The following PSAP variants were observed in gnomAD, a reference collection of about 807,000 sequenced individuals.
The protein encoded by PSAP is prosaposin, also known as precursor of saposins.
PSAP carries 25 observed loss-of-function variants against 66.0 expected under a neutral mutation model. That is an observed-to-expected ratio of 0.38 (90% CI 0.28 to 0.53). The LOEUF (loss-of-function observed/expected upper bound fraction) is 0.53. Among genes scored for constraint, PSAP ranks in the 20% least tolerant of loss-of-function variants. The probability of loss-of-function intolerance (pLI) is 0.83; values close to 1 mark genes in which losing one functional copy is unlikely to be tolerated. For missense variants in PSAP, 649 were observed against 668.8 expected, an observed-to-expected ratio of 0.97 and a Z score of 0.33; for synonymous variants, 273 against 258.9, an observed-to-expected ratio of 1.05 and a Z score of -0.52.
chr10:71,826,004 A>G (rs1842394055), intron 6 of PSAP, 111 bp from the exon 7 acceptor site: 1 of 868,116 alleles, frequency 1.2e-6, no homozygotes, highest in Non-Finnish European at 1.9e-6. Flanking sequence ...ACTATCAAGC[A>G]AGTTTCTAAA....
At chr10:71,837,891 C>T (rs1309248691) in intron 1 of PSAP, among the ~76,000 whole-genome samples, 3 of 152,156 alleles carry the variant, frequency 2.0e-5, no homozygotes, top group Admixed American at 6.5e-5. Flanking sequence ...TTTTCAGGAG[C>T]GAAGCCAAGG....
intron 1 of PSAP, among the ~76,000 whole-genome samples, chr10:71,842,464 T>C (rs926830866): frequency 4.6e-5 from 7 of 152,354 alleles, no homozygotes; most frequent in African/African-American, 1.7e-4. Context: ...AGATGTTAAA[T>C]ATTGATAGAT....
At chr10:71,818,539 T>C in intron 13 of PSAP, 78 bp downstream of exon 13, 2 of 1,221,382 alleles carry the variant, frequency 1.6e-6, no homozygotes, top group Non-Finnish European at 2.4e-6. Context: ...GATCACTGGG[T>C]TCCCATTAAA....
intron 1 of PSAP, among the ~76,000 whole-genome samples, chr10:71,840,929 G>A (rs1199590584): frequency 1.3e-5 from 2 of 152,228 alleles, no homozygotes; most frequent in Non-Finnish European, 2.9e-5. Flanking sequence ...TTCCTAACTA[G>A]TTCATTCAAG....
intron 2 of PSAP, 91 bp downstream of exon 2, chr10:71,834,281 A>G: frequency 6.3e-7 from 1 of 1,591,934 alleles, no homozygotes; most frequent in Non-Finnish European, 8.5e-7. Context: ...GGCAAGAAAA[A>G]GTGCTCTGTC....
chr10:71,818,064 A>G (rs1038501819), intron 13 of PSAP, among the ~76,000 whole-genome samples: 7 of 152,234 alleles, frequency 4.6e-5, no homozygotes, highest in African/African-American at 1.7e-4. Flanking sequence ...AAGTTGCACA[A>G]AGCAACATTA....
At chr10:71,838,006 G>C (rs888832580) in intron 1 of PSAP, among the ~76,000 whole-genome samples, 1 of 152,184 alleles carries the variant, frequency 6.6e-6, no homozygotes, top group African/African-American at 2.4e-5. Flanking sequence ...CCCCGTGGGC[G>C]ATACTGCAGG....
intron 1 of PSAP, among the ~76,000 whole-genome samples, chr10:71,841,677 C>T (rs1258075374): frequency 1.3e-5 from 2 of 152,164 alleles, no homozygotes; most frequent in African/African-American, 4.8e-5. Context: ...TCAAGACCAG[C>T]CTGGGCAACA....
rs138328594 is a variant in PSAP at position 71,819,850 on chromosome 10, G to A, written c.1056C>T (p.Ser352=). 556 of 1,614,152 alleles carry A rather than the reference G, an allele frequency of 3.4e-4. 1 individual carries two copies. The African/African-American group carries it at 6.8e-3, about 20-fold the overall frequency. ...CCACCTCCTGGCACTCTTCCGACAG[G>A]GACTTCGGCAGCTTCGAGCACATTT... is the stretch of plus-strand genomic sequence containing the variant. ...FDKMCSKLPK[S]LSEECQEVVD... is the part of the protein sequence containing the mutation. The change falls in exon 10 of 14, where the codon TCC becomes TCT. Residue 352 remains serine (S), a synonymous_variant. Coordinates refer to ENST00000394936, the MANE Select transcript of PSAP (RefSeq NM_002778.4).
At chr10:71,839,817 G>A (rs1842700654) in intron 1 of PSAP, among the ~76,000 whole-genome samples, 1 of 152,122 alleles carries the variant, frequency 6.6e-6, no homozygotes, top group South Asian at 2.1e-4. Flanking sequence ...TCACGCCACT[G>A]CACTCCTGCC....
At chr10:71,840,620 T>A (rs770437592) in intron 1 of PSAP, among the ~76,000 whole-genome samples, 1 of 152,210 alleles carries the variant, frequency 6.6e-6, no homozygotes, top group Non-Finnish European at 1.5e-5. Context: ...AGAGTCCTCA[T>A]ATCACATAAG....
At chr10:71,850,760 C>T (rs1046035950) in intron 1 of PSAP, among the ~76,000 whole-genome samples, 1 of 152,280 alleles carries the variant, frequency 6.6e-6, no homozygotes, top group African/African-American at 2.4e-5. Context: ...GCAACTGAAG[C>T]CAACGGCCAA....
chr10:71,847,492 G>A (rs1447573404), intron 1 of PSAP, among the ~76,000 whole-genome samples: 1 of 152,056 alleles, frequency 6.6e-6, no homozygotes, highest in African/African-American at 2.4e-5. Context: ...AAGTGGCAGT[G>A]AGCCGAGATC....
chr10:71,823,905 C>A lies in PSAP; in HGVS notation c.778-1898G>T, dbSNP rs766558629. ...ACACATACCTGATCCTGCTGTTGAACAAAAAAACAGGAAATCGGAGGTGAA... is the reference window on the plus strand; with the variant it reads ...ACACATACCTGATCCTGCTGTTGAAAAAAAAAACAGGAAATCGGAGGTGAA... On this transcript the variant is annotated intron_variant, in intron 7 of 13. Transcript: ENST00000394936. 7.0e-6 allele frequency: 9 copies of A among 1,294,780 alleles called. No homozygotes were observed. The South Asian group carries it at 9.9e-5, about 14-fold the overall frequency. The allele number at this position is 1,294,780 out of a possible 1,614,324, so 80.2% of individuals were successfully genotyped here.
chr10:71,845,593 CA>C lies in PSAP; in HGVS notation c.40+5588del, dbSNP rs557968364. Among the ~76,000 whole-genome samples the C allele has an allele frequency of 2.5e-3, 378 of 152,298 alleles. 1 individual carries two copies. The highest frequency in any genetic ancestry group is 3.4e-3 in the Admixed American group (52 of 15,300). ...GGCCTGGGGACAGCAGTGGCAGGGA[CA>C]AACCTTGTACTCTATACTCCATTCT... On this transcript the variant is annotated intron_variant, in intron 1 of 13. Transcript: ENST00000394936.
Position 71,817,459 on chromosome 10 carries a change from T to C in PSAP, c.1557A>G (p.Lys519=), listed in dbSNP as rs751061015. The C allele has an allele frequency of 6.2e-7, 1 of 1,614,142 alleles. No homozygotes were observed. The highest frequency in any genetic ancestry group is 1.1e-5 in the South Asian group (1 of 91,076). ...AAQCNAVEHC[K]RHVWN ...CCTCCTCCTAGTTCCACACATGGCG[T>C]TTGCAATGCTCGACAGCCTGGTAGG... The change falls in exon 14 of 14, where the codon AAA becomes AAG. Residue 519 remains lysine (K), a synonymous_variant. Transcript: ENST00000394936.
intron 1 of PSAP, among the ~76,000 whole-genome samples, chr10:71,835,988 G>A (rs1589455200): frequency 6.6e-6 from 1 of 151,998 alleles, no homozygotes; most frequent in Non-Finnish European, 1.5e-5. Flanking sequence ...TCCAGGAGAG[G>A]GTAAGGAATG....
At chr10:71,836,122 G>A (rs565809120) in intron 1 of PSAP, among the ~76,000 whole-genome samples, 10 of 152,160 alleles carry the variant, frequency 6.6e-5, no homozygotes, top group Non-Finnish European at 1.3e-4. Flanking sequence ...CTGCTGCCCA[G>A]ATTATAGCCT....
chr10:71,819,581 A>G lies in PSAP; in HGVS notation c.1234T>C (p.Cys412Arg), dbSNP rs1435370791. The change falls in exon 11 of 14, where the codon TGC (cysteine) becomes CGC (arginine). Residue 412 changes from cysteine (C) to arginine (R), a missense_variant. Cys to Arg is a radical substitution (Grantham distance 180). Transcript: ENST00000394936. ...QPKDGGFCEVCKKLVGYLDRN... is the reference protein window; with the variant it reads ...QPKDGGFCEVRKKLVGYLDRN... ...TCCAAATAACCCACCAGCTTCTTGC[A>G]CACTTCGCAGAAGCCACCGTCCTTT... 1 of 1,614,226 alleles carries G rather than the reference A, an allele frequency of 6.2e-7. No individual in the cohort carries two copies. Among genetic ancestry groups the G allele is most frequent in the Non-Finnish European group, 8.5e-7 (1 of 1,180,044 alleles).
Sources: gnomAD v4.1 joint callset for allele counts (sites outside exome capture counted in the v4.1 genomes callset) on GRCh38, gnomAD v4.1.1 for gene constraint, MANE v1.5 for transcripts, NCBI Gene and HGNC (gene_info 2026-07-23, HGNC 2026-07-21) for gene names.